Variants in RBFOX1 observed in about 807,000 individuals in gnomAD.
The protein encoded by RBFOX1 is RNA binding fox-1 homolog 1.
RBFOX1 carries 8 observed loss-of-function variants against 57.7 expected under a neutral mutation model. That is an observed-to-expected ratio of 0.14 (90% CI 0.08 to 0.25). RBFOX1 has a LOEUF of 0.25. Ranked by LOEUF, RBFOX1 falls within the 10% of genes least tolerant of loss-of-function variation. RBFOX1 has a pLI of 1.00. For missense variants in RBFOX1, 611 were observed against 548.5 expected (o/e 1.11, Z -1.14); for synonymous variants, 326 against 222.4 (o/e 1.47, Z -4.15).
intron 1 of RBFOX1, among the ~76,000 whole-genome samples, chr16:5,279,583 C>A (rs1262434789): frequency 6.6e-6 from 1 of 152,256 alleles, no homozygotes; most frequent in South Asian, 2.1e-4. Context: ...CTCACTGCAA[C>A]CTCCGCCTCT....
intron 1 of RBFOX1, among the ~76,000 whole-genome samples, chr16:6,171,979 G>T (rs1488769235): frequency 6.6e-6 from 1 of 151,822 alleles, no homozygotes; most frequent in Non-Finnish European, 1.5e-5. Context: ...ATGCCTCCAC[G>T]CTTGGGTAAT....
chr16:5,305,085 G>T (rs956923290), intron 1 of RBFOX1, among the ~76,000 whole-genome samples: 2 of 152,148 alleles, frequency 1.3e-5, no homozygotes, highest in Non-Finnish European at 2.9e-5. Context: ...GCTTTGCAAG[G>T]GGGTAGATAC....
chr16:6,790,741 C>T (rs1202546184), intron 3 of RBFOX1, among the ~76,000 whole-genome samples: 3 of 152,110 alleles, frequency 2.0e-5, no homozygotes, highest in Non-Finnish European at 4.4e-5. Context: ...TCTCCTGTGT[C>T]TCTAGACCCT....
At chr16:5,843,089 A>G (rs1035018103) in intron 3 of RBFOX1, among the ~76,000 whole-genome samples, 2 of 152,112 alleles carry the variant, frequency 1.3e-5, no homozygotes, top group African/African-American at 4.8e-5. Context: ...GGCCTCCCAA[A>G]GTGCTGGGAT....
In RBFOX1 at chr16:6,923,733, G is replaced by A. The variant is rs957566667; in HGVS notation, c.-15-128324G>A. ...TAAAGCAGTAGAAGGCCAGCAAAGT[G>A]GTCAGGAACACAGATATCAAAGCTT... On this transcript the variant is annotated intron_variant, in intron 3 of 15. Transcript: ENST00000550418. 2.0e-5 allele frequency among the ~76,000 whole-genome samples: 3 copies of A among 152,076 alleles called. No individual in the cohort carries two copies. In the South Asian group the frequency reaches 6.2e-4, roughly 32 times the overall value.
intron 1 of RBFOX1, among the ~76,000 whole-genome samples, chr16:5,412,115 G>T (rs2067037547): frequency 6.6e-6 from 1 of 152,108 alleles, no homozygotes. Context: ...CACTGAGACT[G>T]ACATGGCTTT....
chr16:6,752,171 C>G (rs1043767140), intron 3 of RBFOX1, among the ~76,000 whole-genome samples: 1 of 152,154 alleles, frequency 6.6e-6, no homozygotes, highest in Non-Finnish European at 1.5e-5. Context: ...CCTTAGTAGT[C>G]TGCATATTTC....
At chr16:6,345,104 G>C (rs1477255711) in intron 2 of RBFOX1, among the ~76,000 whole-genome samples, 1 of 152,176 alleles carries the variant, frequency 6.6e-6, no homozygotes. Flanking sequence ...GTGAAGCAAA[G>C]CATTCTCCTG....
At chr16:6,560,419 G>A (rs2097165465) in intron 2 of RBFOX1, among the ~76,000 whole-genome samples, 1 of 152,224 alleles carries the variant, frequency 6.6e-6, no homozygotes, top group East Asian at 1.9e-4. Context: ...TGACATTTTG[G>A]CATAAAGCCA....
At chr16:5,636,167 G>C (rs1324234534) in intron 3 of RBFOX1, among the ~76,000 whole-genome samples, 2 of 152,156 alleles carry the variant, frequency 1.3e-5, no homozygotes, top group East Asian at 3.9e-4. Flanking sequence ...GACCAACATG[G>C]TGAAACCCCA....
Position 6,834,972 on chromosome 16 carries a change from A to C in RBFOX1, c.-16+180322A>C, listed in dbSNP as rs897661067. ...CAGTGGCGCGATCTTGGTTCACTGT[A>C]AGCTTCATCTCCCAGGTTCACGCCA... On this transcript the variant is annotated intron_variant, in intron 3 of 15. Transcript: ENST00000550418. Among the ~76,000 whole-genome samples the C allele has an allele frequency of 5.4e-5, 8 of 147,538 alleles. 1 individual carries two copies. The highest frequency in any genetic ancestry group is 1.2e-4 in the Non-Finnish European group (8 of 67,536).
intron 4 of RBFOX1, among the ~76,000 whole-genome samples, chr16:7,447,318 A>C (rs1027901306): frequency 6.6e-6 from 1 of 151,380 alleles, no homozygotes; most frequent in African/African-American, 2.4e-5. Flanking sequence ...CTGTTATCCT[A>C]GCTACTTGGG....
chr16:6,959,477 C>T (rs1461826706), intron 3 of RBFOX1, among the ~76,000 whole-genome samples: 2 of 152,102 alleles, frequency 1.3e-5, no homozygotes, highest in East Asian at 1.9e-4. Flanking sequence ...TAGGCCTGAT[C>T]TCAAGGGAGT....
In RBFOX1 at chr16:6,540,289, A is replaced by C. The variant is rs117614036; in HGVS notation, c.-63-114314A>C. Among the ~76,000 whole-genome samples the C allele has an allele frequency of 4.1e-3, 605 of 146,558 alleles. 1 individual carries two copies. The highest frequency in any genetic ancestry group is 6.5e-3 in the Non-Finnish European group (436 of 66,688). ...AATTGTTCTTTATTCGTAGATAGCC[A>C]TCATATAAGCTGGCTGGCTGTAAAA... On this transcript the variant is annotated intron_variant, in intron 2 of 15. Transcript: ENST00000550418.
intron 3 of RBFOX1, among the ~76,000 whole-genome samples, chr16:6,787,414 G>A (rs968683430): frequency 6.6e-6 from 1 of 152,132 alleles, no homozygotes; most frequent in East Asian, 1.9e-4. Context: ...CAACAATGCC[G>A]TGTGATTTCC....
intron 2 of RBFOX1, among the ~76,000 whole-genome samples, chr16:6,469,896 G>T (rs1329077217): frequency 1.3e-5 from 2 of 152,232 alleles, no homozygotes; most frequent in African/African-American, 4.8e-5. Context: ...ATCCTATATT[G>T]TATTTCATGT....
At chr16:7,242,149 C>T (rs2094099244) in intron 4 of RBFOX1, among the ~76,000 whole-genome samples, 1 of 152,048 alleles carries the variant, frequency 6.6e-6, no homozygotes, top group Admixed American at 6.5e-5. Context: ...CACACATGCG[C>T]ACAGAGAAAC....
chr16:5,749,320 G>C (rs551109285), intron 3 of RBFOX1, among the ~76,000 whole-genome samples: 3 of 152,088 alleles, frequency 2.0e-5, no homozygotes, highest in East Asian at 1.9e-4. Flanking sequence ...TTTCAACTTC[G>C]GTGAATCTGA....
chr16:7,504,709 TTATATATATATATATATA>T lies in RBFOX1; in HGVS notation c.28-13410_28-13393del, dbSNP rs1181491515. Reference sequence around the variant, plus strand: ...TAGCTCCTGTGGAGATGAAGTGAGATTATATATATATATATATATATATATATATATATATATATATAT... The same window carrying T: ...TAGCTCCTGTGGAGATGAAGTGAGATTATATATATATATATATATATATAT... On this transcript the variant is annotated intron_variant, in intron 4 of 15. Coordinates refer to ENST00000550418, the MANE Select transcript of RBFOX1 (RefSeq NM_018723.4). 8.6e-4 allele frequency among the ~76,000 whole-genome samples: 64 copies of T among 74,486 alleles called. 1 individual carries two copies. Among genetic ancestry groups the T allele is most frequent in the Admixed American group, 1.5e-3 (9 of 5,926 alleles). 48.9% of individuals were successfully genotyped at this position (74,486 alleles called of 152,430 possible).
Sources: gnomAD v4.1 joint callset for allele counts (sites outside exome capture counted in the v4.1 genomes callset) on GRCh38, gnomAD v4.1.1 for gene constraint, MANE v1.5 for transcripts, NCBI Gene and HGNC (gene_info 2026-07-23, HGNC 2026-07-21) for gene names.